Variants in ESR2 observed in about 807,000 individuals in gnomAD.
ESR2 encodes the protein estrogen receptor 2.
Under a neutral mutation model 49.6 loss-of-function variants are expected in ESR2, and 36 were observed. The observed-to-expected ratio is 0.73, with a 90% CI of 0.56 to 0.96. ESR2 has a LOEUF of 0.96. Ranked by LOEUF, ESR2 falls within the 40% of genes least tolerant of loss-of-function variation. ESR2 has a pLI of 0.00. For synonymous variants in ESR2, 320 were observed against 266.1 expected (o/e 1.20, Z -1.97); for missense variants, 714 against 693.0 (o/e 1.03, Z -0.34).
chr14:64,329,670 C>T (rs1269521425), intron 1 of ESR2: 1 of 152,144 alleles, frequency 6.6e-6, no homozygotes, highest in African/African-American at 2.4e-5. Context: ...TTGTATCATA[C>T]ATACAAACAG....
In ESR2 at chr14:64,229,722, C is replaced by G. The variant is rs1041028713; in HGVS notation, c.*3415G>C. Among the ~76,000 whole-genome samples, 1 of 152,164 alleles carries G rather than the reference C, an allele frequency of 6.6e-6. No individual in the cohort carries two copies. The highest frequency in any genetic ancestry group is 3.2e-3 in the Middle Eastern group (1 of 316). ...TGACCTTCAGCAAGTTTGCTTAGAC[C>G]GTGTCTAGTTCCACAACCAGAAAAT... On this transcript the variant is annotated 3_prime_UTR_variant, in exon 9 of 9. Transcript: ENST00000341099.
At chr14:64,280,799 C>T (rs2076650846) in intron 2 of ESR2, among the ~76,000 whole-genome samples, 2 of 152,168 alleles carry the variant, frequency 1.3e-5, no homozygotes, top group East Asian at 3.8e-4. Flanking sequence ...CACCTGAGGC[C>T]AGAAGTTCGA....
chr14:64,315,600 G>A (rs2077244508), intron 1 of ESR2, among the ~76,000 whole-genome samples: 1 of 150,818 alleles, frequency 6.6e-6, no homozygotes, highest in African/African-American at 2.4e-5. Flanking sequence ...TCAGCCTCCT[G>A]AGTAGCTGGG....
chr14:64,329,349 T>G (rs2077426355), intron 1 of ESR2: 1 of 152,216 alleles, frequency 6.6e-6, no homozygotes, highest in South Asian at 2.1e-4. Flanking sequence ...TCAACATTAG[T>G]GATCAAATTC....
At chr14:64,277,335 A>G (rs894504879) in intron 3 of ESR2, among the ~76,000 whole-genome samples, 5 of 152,164 alleles carry the variant, frequency 3.3e-5, no homozygotes, top group Non-Finnish European at 7.3e-5. Context: ...TATAAAAAAC[A>G]TAAGAATGGG....
At chr14:64,267,174 C>T (rs2076349137) in intron 4 of ESR2, among the ~76,000 whole-genome samples, 1 of 152,244 alleles carries the variant, frequency 6.6e-6, no homozygotes, top group South Asian at 2.1e-4. Context: ...CCACCGCACC[C>T]GGCCTTAACT....
At chr14:64,315,174 G>A (rs1196771790) in intron 1 of ESR2, among the ~76,000 whole-genome samples, 2 of 149,946 alleles carry the variant, frequency 1.3e-5, no homozygotes, top group Admixed American at 6.6e-5. Context: ...AACCTGGGAG[G>A]TGGAGGTTGT....
At chr14:64,279,952 T>G in intron 3 of ESR2, 29 bp downstream of exon 3, 1 of 1,588,698 alleles carries the variant, frequency 6.3e-7, no homozygotes, top group Non-Finnish European at 8.6e-7. Flanking sequence ...AGTAGGAAAC[T>G]AAAGAAGCAG....
chr14:64,273,016 T>C (rs1393134199), intron 3 of ESR2, among the ~76,000 whole-genome samples: 1 of 151,156 alleles, frequency 6.6e-6, no homozygotes, highest in Non-Finnish European at 1.5e-5. Context: ...ATTTTTTTTG[T>C]CCTCTTCAAT....
At chr14:64,251,781 T>G (rs913276415) in intron 6 of ESR2, among the ~76,000 whole-genome samples, 1 of 152,184 alleles carries the variant, frequency 6.6e-6, no homozygotes, top group African/African-American at 2.4e-5. Context: ...GTTAGAATAT[T>G]TTTATTCACT....
At chr14:64,276,293 A>G (rs2076556449) in intron 3 of ESR2, among the ~76,000 whole-genome samples, 1 of 152,256 alleles carries the variant, frequency 6.6e-6, no homozygotes, top group Admixed American at 6.5e-5. Context: ...CCAGAACCCA[A>G]TATAAAAACG....
chr14:64,249,524 G>C, intron 7 of ESR2, 22 bp downstream of exon 7: 1 of 1,611,056 alleles, frequency 6.2e-7, no homozygotes, highest in Non-Finnish European at 8.5e-7. Flanking sequence ...ATAAAACATG[G>C]CCCAGCTGTG....
At chr14:64,241,113 T>G (rs1398300775) in intron 7 of ESR2, among the ~76,000 whole-genome samples, 1 of 120,646 alleles carries the variant, frequency 8.3e-6, no homozygotes, top group Non-Finnish European at 1.6e-5. Flanking sequence ...GCCACTGCAC[T>G]CCCGCCTGGG....
At chr14:64,312,170 T>C (rs2077194679) in intron 1 of ESR2, among the ~76,000 whole-genome samples, 1 of 152,124 alleles carries the variant, frequency 6.6e-6, no homozygotes, top group African/African-American at 2.4e-5. Flanking sequence ...ATATACAAAA[T>C]GTAATACCTG....
rs71123836 is a variant in ESR2, at chr14:64,246,734, CAAAAAAAAAAAAAAAAAAAA to C, written c.1225+2792_1225+2811del. 2.7e-4 allele frequency among the ~76,000 whole-genome samples: 10 copies of C among 36,454 alleles called. No homozygotes were observed. In the South Asian group the frequency reaches 5.8e-3, roughly 21 times the overall value. 23.9% of individuals were successfully genotyped at this position (36,454 alleles called of 152,430 possible). On this transcript the variant is annotated intron_variant, in intron 7 of 8. Transcript: ENST00000341099. ...CCTGGCCAACACAGGAAGACTCTGT[CAAAAAAAAAAAAAAAAAAAA>C]AAAAAAAAAAAAACACACCTGGCTG...
chr14:64,227,924 C>T, downstream of ESR2: 1 of 1,597,408 alleles, frequency 6.3e-7, no homozygotes, highest in East Asian at 2.2e-5. Context: ...TTGCTTTTCT[C>T]CCCATCTGTA....
intron 8 of ESR2, 104 bp from the exon 9 acceptor site, chr14:64,233,427 T>G (rs1456774900): frequency 9.2e-7 from 1 of 1,086,750 alleles, no homozygotes; most frequent in Non-Finnish European, 1.3e-6. Context: ...ACCCCACCCC[T>G]AAACCCACTC....
intron 1 of ESR2, among the ~76,000 whole-genome samples, chr14:64,307,886 T>C (rs578242524): frequency 6.6e-6 from 1 of 152,348 alleles, no homozygotes; most frequent in South Asian, 2.1e-4. Flanking sequence ...TTAGGCTTTA[T>C]TGATTTCCTG....
chr14:64,300,962 ATTCAGCAGTTGCT>A (rs142796277), intron 1 of ESR2, among the ~76,000 whole-genome samples: 2,417 of 152,276 alleles, frequency 0.016, 68 homozygotes, highest in East Asian at 0.087. Flanking sequence ...ACTACCATTC[ATTCAGCAGTTGCT>A]TGTAAATCCT....
Sources: gnomAD v4.1 joint callset for allele counts (sites outside exome capture counted in the v4.1 genomes callset) on GRCh38, gnomAD v4.1.1 for gene constraint, MANE v1.5 for transcripts, NCBI Gene and HGNC (gene_info 2026-07-23, HGNC 2026-07-21) for gene names.